ZNF891: variants seen among roughly 807,000 people sequenced by gnomAD.
The protein encoded by ZNF891 is zinc finger protein 891.
For synonymous variants in ZNF891, 199 were observed against 209.0 expected, an observed-to-expected ratio of 0.95 and a Z score of 0.41; for missense variants, 589 against 632.7, an observed-to-expected ratio of 0.93 and a Z score of 0.74.
rs759689828 is a variant in ZNF891, at chr12:133,106,437, G to A, written c.*13847C>T. On this transcript the variant is annotated 3_prime_UTR_variant, in exon 2 of 2. Coordinates refer to ENST00000537226, the MANE Select transcript of ZNF891 (RefSeq NM_001277291.2). ...CACACTGGAGAGAAACCCTATGCGT[G>A]TGCTGAATGTGATAAAGCCTTCAGC... 6.2e-6 allele frequency: 10 copies of A among 1,613,972 alleles called. No individual in the cohort carries two copies. The highest frequency in any genetic ancestry group is 8.5e-6 in the Non-Finnish European group (10 of 1,180,014).
At chr12:133,128,872 A>G (rs373076047) in intron 1 of ZNF891, among the ~76,000 whole-genome samples, 8 of 151,124 alleles carry the variant, frequency 5.3e-5, no homozygotes, top group African/African-American at 1.9e-4. Flanking sequence ...CTGTAATAGG[A>G]CCCCCCTCCC....
At position 133,107,241 on chromosome 12, in the gene ZNF891, T is replaced by C. The variant is rs1955632646; in HGVS notation, c.*13043A>G. ...GACTTTCTGCAATATTTCAAACCTATATCAGAGAATTACACTGTGGGAAAA... is the reference window on the plus strand; with the variant it reads ...GACTTTCTGCAATATTTCAAACCTACATCAGAGAATTACACTGTGGGAAAA... On this transcript the variant is annotated 3_prime_UTR_variant, in exon 2 of 2. Coordinates refer to ENST00000537226, the MANE Select transcript of ZNF891 (RefSeq NM_001277291.2). 1 of 152,222 alleles carries C rather than the reference T, an allele frequency of 6.6e-6. No homozygotes were observed. The highest frequency in any genetic ancestry group is 2.4e-5 in the African/African-American group (1 of 41,450). The allele number at this position is 152,222 out of a possible 1,614,324, so 9.4% of individuals were successfully genotyped here.
rs1252676204 is a variant in ZNF891, at chr12:133,105,003, C to T, written c.*15281G>A. 2.0e-5 allele frequency among the ~76,000 whole-genome samples: 3 copies of T among 152,100 alleles called. No homozygotes were observed. The highest frequency in any genetic ancestry group is 4.4e-5 in the Non-Finnish European group (3 of 68,022). ...AAGACATAATTATACCAAATATGAG[C>T]TTCATACTAGTTCAGAAGGTAGAGT... On this transcript the variant is annotated 3_prime_UTR_variant, in exon 2 of 2. Transcript: ENST00000537226.
At position 133,121,941 on chromosome 12, in the gene ZNF891, CAGTAG is replaced by C. The variant is rs777558606; in HGVS notation, c.-28_-24del. 265 of 1,512,396 alleles carry C rather than the reference CAGTAG, an allele frequency of 1.8e-4. No homozygotes were observed. Among genetic ancestry groups the C allele is most frequent in the Admixed American group, 4.5e-4 (22 of 48,978 alleles). 93.7% of individuals were successfully genotyped at this position (1,512,396 alleles called of 1,614,324 possible). On this transcript the variant is annotated 5_prime_UTR_variant, in exon 2 of 2. Coordinates refer to ENST00000537226, the MANE Select transcript of ZNF891 (RefSeq NM_001277291.2). ...CATTTTATGAGTACATAAGCCTGCACAGTAGAGTAGAGAGATCAGGATGTTTCTGT... is the reference window on the plus strand; with the variant it reads ...CATTTTATGAGTACATAAGCCTGCACAGTAGAGAGATCAGGATGTTTCTGT...
chr12:133,106,717 T>C lies in ZNF891; in HGVS notation c.*13567A>G, dbSNP rs1955614328. On this transcript the variant is annotated 3_prime_UTR_variant, in exon 2 of 2. Coordinates refer to ENST00000537226, the MANE Select transcript of ZNF891 (RefSeq NM_001277291.2). ...TTAAAAAGAAGTATAATGCCTTACT[T>C]CAGAGAACTCTTGGAAAGAAGCCTT... 2.2e-6 allele frequency: 3 copies of C among 1,382,294 alleles called. No homozygotes were observed. The highest frequency in any genetic ancestry group is 2.9e-6 in the Non-Finnish European group (3 of 1,030,542). 85.6% of individuals were successfully genotyped at this position (1,382,294 alleles called of 1,614,324 possible).
Position 133,110,489 on chromosome 12 carries a change from A to T in ZNF891, c.*9795T>A, listed in dbSNP as rs1024105205. ...CGACAGAACAACAGATGCAATCAAT[A>T]TTAGTAAAGAATAGTCATGGGAGAA... On this transcript the variant is annotated 3_prime_UTR_variant, in exon 2 of 2. Coordinates refer to ENST00000537226, the MANE Select transcript of ZNF891 (RefSeq NM_001277291.2). The T allele has an allele frequency of 2.0e-5, 3 of 152,238 alleles. No individual in the cohort carries two copies. The highest frequency in any genetic ancestry group is 4.4e-5 in the Non-Finnish European group (3 of 68,046). 9.4% of individuals were successfully genotyped at this position (152,238 alleles called of 1,614,324 possible).
intron 1 of ZNF891, among the ~76,000 whole-genome samples, chr12:133,123,587 A>C (rs1363859263): frequency 6.6e-6 from 1 of 152,118 alleles, no homozygotes; most frequent in Non-Finnish European, 1.5e-5. Flanking sequence ...ATGCGCCTGA[A>C]GCCCCAGCTA....
rs1233682376 is a variant in ZNF891, at chr12:133,120,949, G to A, written c.970C>T (p.Gln324Ter). Reference sequence around the variant, plus strand: ...ATCCTTTTGAAGGCTTTTCCACATTGATTGCATTCATGTTTCTTTTCAGTA... The same window carrying A: ...ATCCTTTTGAAGGCTTTTCCACATTAATTGCATTCATGTTTCTTTTCAGTA... The part of the protein sequence containing the change: ...THTEKKHECN[Q>*]CGKAFKRISN... The change falls in exon 2 of 2, where the codon CAA (glutamine) becomes TAA (stop). Residue 324 changes from glutamine (Q) to a stop codon, truncating the protein, a stop_gained. Transcript: ENST00000537226. LOFTEE classifies it low-confidence loss of function (END_TRUNC). 1 of 1,535,980 alleles carries A rather than the reference G, an allele frequency of 6.5e-7. No homozygotes were observed. Among genetic ancestry groups the A allele is most frequent in the Non-Finnish European group, 8.7e-7 (1 of 1,146,808 alleles).
At position 133,120,583 on chromosome 12, in the gene ZNF891, G is replaced by A. The variant is rs772754536; in HGVS notation, c.1336C>T (p.His446Tyr). 2.6e-6 allele frequency: 4 copies of A among 1,558,858 alleles called. No homozygotes were observed. Among genetic ancestry groups the A allele is most frequent in the South Asian group, 1.2e-5 (1 of 85,194 alleles). Residue 446 changes from histidine to tyrosine, a missense_variant, in exon 2 of 2, where the codon CAC (histidine) becomes TAC (tyrosine). His to Tyr is a moderately conservative substitution (Grantham distance 83). Coordinates refer to ENST00000537226, the MANE Select transcript of ZNF891 (RefSeq NM_001277291.2). ...TGAATTTTCTTATGAACTTTAAGGT[G>A]AGAGCTCGTGTTGAAGGCTTTTCCA... ...ECGKAFNTSSHLKVHKKIHTG... is the reference protein window; with the variant it reads ...ECGKAFNTSSYLKVHKKIHTG...
rs1036521493 is a variant in ZNF891 at position 133,110,289 on chromosome 12, G to A, written c.*9995C>T. 6.6e-6 allele frequency: 1 copy of A among 152,156 alleles called. No individual in the cohort carries two copies. Among genetic ancestry groups the A allele is most frequent in the Non-Finnish European group, 1.5e-5 (1 of 68,028 alleles). The allele number at this position is 152,156 out of a possible 1,614,324, so 9.4% of individuals were successfully genotyped here. On this transcript the variant is annotated 3_prime_UTR_variant, in exon 2 of 2. Coordinates refer to ENST00000537226, the MANE Select transcript of ZNF891 (RefSeq NM_001277291.2). ...GCAAAAGTAGTAAAAGTATTAATTT[G>A]GCTCTCATGATCTGGGGACTGGTTA...
In ZNF891 at chr12:133,106,948, G is replaced by A. The variant is rs1028983380; in HGVS notation, c.*13336C>T. ...ATTTGGTAGGAGTCCCTTACTTTAC[G>A]TGTGTAAATTCCTACCAGGAAAGAA... On this transcript the variant is annotated 3_prime_UTR_variant, in exon 2 of 2. Coordinates refer to ENST00000537226, the MANE Select transcript of ZNF891 (RefSeq NM_001277291.2). 3.2e-5 allele frequency: 7 copies of A among 220,872 alleles called. No homozygotes were observed. Among genetic ancestry groups the A allele is most frequent in the Admixed American group, 1.6e-4 (3 of 19,282 alleles). 13.7% of individuals were successfully genotyped at this position (220,872 alleles called of 1,614,324 possible). A position where few individuals can be genotyped will look rare whatever the true frequency, so the allele number is the denominator to read the frequency against.
chr12:133,120,837 G>T lies in ZNF891; in HGVS notation c.1082C>A (p.Ser361Ter). 6.4e-7 allele frequency: 1 copy of T among 1,556,438 alleles called. No individual in the cohort carries two copies. The highest frequency in any genetic ancestry group is 8.7e-7 in the Non-Finnish European group (1 of 1,152,576). The change falls in exon 2 of 2, where the codon TCA (serine) becomes TAA (stop). Residue 361 changes from serine (S) to a stop codon, truncating the protein, a stop_gained. Coordinates refer to ENST00000537226, the MANE Select transcript of ZNF891 (RefSeq NM_001277291.2). LOFTEE classifies it low-confidence loss of function (END_TRUNC). ...AGTTCTTACATGTCTCCTTAAGGTT[G>T]AGGAATCATTGAACACTTTACCACA... Reference protein sequence around the residue: ...KECGKVFNDSSTLRRHVRTHT... With the variant: ...KECGKVFNDS
intron 1 of ZNF891, among the ~76,000 whole-genome samples, chr12:133,126,984 T>C (rs1955824328): frequency 6.9e-6 from 1 of 144,004 alleles, no homozygotes. Context: ...TTTTTTTTTT[T>C]TTTTTTTTGA....
rs1481748083 is a variant in ZNF891 at position 133,118,837 on chromosome 12, C to T, written c.*1447G>A. 6.6e-6 allele frequency: 1 copy of T among 152,122 alleles called. No individual in the cohort carries two copies. Among genetic ancestry groups the T allele is most frequent in the East Asian group, 1.9e-4 (1 of 5,198 alleles). The allele number at this position is 152,122 out of a possible 1,614,324, so 9.4% of individuals were successfully genotyped here. A position where few individuals can be genotyped will look rare whatever the true frequency, so the allele number is the denominator to read the frequency against. On this transcript the variant is annotated 3_prime_UTR_variant, in exon 2 of 2. Coordinates refer to ENST00000537226, the MANE Select transcript of ZNF891 (RefSeq NM_001277291.2). ...TTCTATGTTCCTCTTCAAATGTGTA[C>T]ATCCAACATAAAACATTTAACTGTA... is the stretch of plus-strand genomic sequence containing the variant.
Position 133,117,807 on chromosome 12 carries a change from C to T in ZNF891, c.*2477G>A, listed in dbSNP as rs1180180277. ...GATTCCTAAAGTCAGCCCAATCTAG[C>T]AACCATCTTCATTATGTACCACTAT... is the stretch of plus-strand genomic sequence containing the variant. On this transcript the variant is annotated 3_prime_UTR_variant, in exon 2 of 2. Transcript: ENST00000537226. 1.3e-5 allele frequency: 2 copies of T among 152,198 alleles called. No homozygotes were observed. The highest frequency in any genetic ancestry group is 1.3e-4 in the Admixed American group (2 of 15,272). The allele number at this position is 152,198 out of a possible 1,614,324, so 9.4% of individuals were successfully genotyped here. A position where few individuals can be genotyped will look rare whatever the true frequency, so the allele number is the denominator to read the frequency against.
rs1955801571 is a variant in ZNF891, at chr12:133,125,059, A to G, written c.-106-3035T>C. Reference sequence around the variant, plus strand: ...TATGGAGACATAATTTTTCTATGGAAAAACCATACAGACTTCAAATTGTAT... The same window carrying G: ...TATGGAGACATAATTTTTCTATGGAGAAACCATACAGACTTCAAATTGTAT... On this transcript the variant is annotated intron_variant, in intron 1 of 1. Transcript: ENST00000537226. 2.6e-5 allele frequency among the ~76,000 whole-genome samples: 4 copies of G among 152,314 alleles called. No homozygotes were observed. The South Asian group carries it at 8.3e-4, about 32-fold the overall frequency.
At chr12:133,130,059 A>G (rs1052006001) in intron 1 of ZNF891, among the ~76,000 whole-genome samples, 168 bp downstream of exon 1, 1 of 151,850 alleles carries the variant, frequency 6.6e-6, no homozygotes, top group Admixed American at 6.5e-5. Context: ...GCACCCGGTA[A>G]GTAGCCCCTC....
rs746137624 is a variant in ZNF891, at chr12:133,106,093, A to G, written c.*14191T>C. 1.2e-6 allele frequency: 2 copies of G among 1,613,946 alleles called. No individual in the cohort carries two copies. The highest frequency in any genetic ancestry group is 1.7e-6 in the Non-Finnish European group (2 of 1,179,988). ...AAAGAATTCACATAGGAAAGAAACA[A>G]TATATATGTAGGAAATGTGGTAAAG... On this transcript the variant is annotated 3_prime_UTR_variant, in exon 2 of 2. Coordinates refer to ENST00000537226, the MANE Select transcript of ZNF891 (RefSeq NM_001277291.2).
Position 133,121,660 on chromosome 12 carries a change from A to ACAACTGATATTC in ZNF891, c.247_258dup (p.Glu83_Leu86dup). The ACAACTGATATTC allele has an allele frequency of 1.3e-6, 2 of 1,536,454 alleles. No homozygotes were observed. Among genetic ancestry groups the ACAACTGATATTC allele is most frequent in the Non-Finnish European group, 1.7e-6 (2 of 1,146,942 alleles). On this transcript the variant is annotated inframe_insertion, in exon 2 of 2. Transcript: ENST00000537226. The stretch of plus-strand genomic sequence containing the variant: ...AATGGGGAGATCACAGTAAGCCTGT[A>ACAACTGATATTC]CAACTGATATTCCACGGAGGTGAGA...
Sources: allele counts gnomAD v4.1 joint callset (sites outside exome capture counted in the v4.1 genomes callset), GRCh38; gene constraint gnomAD v4.1.1; transcripts MANE v1.5; gene names NCBI Gene and HGNC (gene_info 2026-07-23, HGNC 2026-07-21).